The following CCDC180 variants were observed in gnomAD, a reference collection of about 807,000 sequenced individuals.
CCDC180 encodes coiled-coil domain-containing protein 180.
In CCDC180, 154 loss-of-function variants were observed where a neutral mutation model predicts 209.2. The observed-to-expected ratio is 0.74, with a 90% confidence interval of 0.65 to 0.84. The LOEUF is 0.84. Ranked by LOEUF, CCDC180 falls within the 40% of genes least tolerant of loss-of-function variation. CCDC180 has a pLI of 0.00. For synonymous variants in CCDC180, 778 were observed against 749.1 expected (o/e 1.04, Z -0.63); for missense variants, 1,874 against 1,997.3 (o/e 0.94, Z 1.18).
intron 28 of CCDC180, chr9:97,363,828 G>C (rs1826837408): frequency 1.7e-6 from 1 of 581,160 alleles, no homozygotes; most frequent in South Asian, 2.1e-5. Flanking sequence ...AGCTGTGGTT[G>C]GGTTTCAGCA....
intron 21 of CCDC180, among the ~76,000 whole-genome samples, chr9:97,349,871 G>A (rs762406974): frequency 6.6e-6 from 1 of 152,236 alleles, no homozygotes; most frequent in Middle Eastern, 3.4e-3. Flanking sequence ...GAGGACACTC[G>A]CAGGGCACTC....
At position 97,357,711 on chromosome 9, in the gene CCDC180, A is replaced by G. The variant is rs78340907; in HGVS notation, c.3349A>G (p.Arg1117Gly). The change falls in exon 25 of 37, where the codon AGG becomes GGG. Residue 1117 changes from arginine (R) to glycine (G), a missense_variant. Arg to Gly is a moderately radical substitution (Grantham distance 125). Coordinates refer to ENST00000529487, the MANE Select transcript of CCDC180 (RefSeq NM_020893.6). ...QNKIKTCQES[R>G]GEKTTVTTEE... ...CAAGATAAAAACTTGTCAAGAGTCC[A>G]GGGGAGAGAAAACCGTAAGTGTTCA... 1 of 1,609,770 alleles carries G rather than the reference A, an allele frequency of 6.2e-7. No homozygotes were observed. The highest frequency in any genetic ancestry group is 8.5e-7 in the Non-Finnish European group (1 of 1,177,148).
At position 97,369,909 on chromosome 9, in the gene CCDC180, G is replaced by T. The variant is rs1337053614; in HGVS notation, c.4190-13G>T. ...TGTTCCCTCCCTTGGCCTCTTACCC[G>T]CACTTCTGGCAGAATTACGGATCCA... is the stretch of plus-strand genomic sequence containing the variant. On this transcript the variant is annotated splice_polypyrimidine_tract_variant and intron_variant, in intron 31 of 36. Transcript: ENST00000529487. 4 of 1,613,882 alleles carry T rather than the reference G, an allele frequency of 2.5e-6. No individual in the cohort carries two copies. Among genetic ancestry groups the T allele is most frequent in the Non-Finnish European group, 3.4e-6 (4 of 1,179,932 alleles).
intron 22 of CCDC180, among the ~76,000 whole-genome samples, chr9:97,351,423 C>T (rs1021810939): frequency 6.6e-6 from 1 of 152,132 alleles, no homozygotes; most frequent in African/African-American, 2.4e-5. Context: ...TGCTGTTAAC[C>T]TTTCCATGTG....
intron 20 of CCDC180, among the ~76,000 whole-genome samples, chr9:97,348,125 G>T (rs1004894623): frequency 8.7e-5 from 13 of 148,812 alleles, no homozygotes; most frequent in Non-Finnish European, 1.6e-4. Flanking sequence ...GGGGCGGGGG[G>T]GGGGCATGTT....
At position 97,325,831 on chromosome 9, in the gene CCDC180, C is replaced by CA. The variant is rs552735578; in HGVS notation, c.1545+640dup. Among the ~76,000 whole-genome samples the CA allele has an allele frequency of 4.6e-5, 7 of 152,352 alleles. No individual in the cohort carries two copies. In the South Asian group the frequency reaches 1.5e-3, roughly 32 times the overall value. ...CTCTCTCATTCAAAGAAGCCACTGA[C>CA]AGAGTGAAACCTGCCTCAGCCTAAG... is the stretch of plus-strand genomic sequence containing the variant. On this transcript the variant is annotated intron_variant, in intron 14 of 36. Coordinates refer to ENST00000529487, the MANE Select transcript of CCDC180 (RefSeq NM_020893.6).
At chr9:97,363,552 G>T in intron 28 of CCDC180, 1 of 521,614 alleles carries the variant, frequency 1.9e-6, no homozygotes, top group Non-Finnish European at 4.0e-6. Flanking sequence ...TAAAAGAGAG[G>T]GTGCCCATCT....
chr9:97,313,509 T>C (rs1401365127), intron 5 of CCDC180, among the ~76,000 whole-genome samples, 164 bp downstream of exon 5: 1 of 152,150 alleles, frequency 6.6e-6, no homozygotes, highest in Admixed American at 6.5e-5. Flanking sequence ...TGGCTTGTTA[T>C]GAGTGTTTGT....
intron 36 of CCDC180, 168 bp downstream of exon 36, chr9:97,375,757 T>A: frequency 1.3e-6 from 1 of 757,932 alleles, no homozygotes; most frequent in South Asian, 1.8e-5. Context: ...CAGTCACCAT[T>A]CACAGGCACG....
chr9:97,363,246 G>A (rs1826817877), intron 28 of CCDC180, among the ~76,000 whole-genome samples: 1 of 152,176 alleles, frequency 6.6e-6, no homozygotes, highest in African/African-American at 2.4e-5. Flanking sequence ...CAAAAATTAG[G>A]GAAGCTGTCA....
rs1240231119 is a variant in CCDC180, at chr9:97,361,839, C to T, written c.3597C>T (p.Ser1199=). 3 of 1,614,174 alleles carry T rather than the reference C, an allele frequency of 1.9e-6. No homozygotes were observed. The highest frequency in any genetic ancestry group is 1.7e-5 in the Admixed American group (1 of 60,030). The part of the protein sequence containing the change: ...VVTPESFTQL[S]RVGKPLIEDP... Reference sequence around the variant, plus strand: ...CCCCTGAGTCCTTCACCCAGCTGAGCCGCGTGGGGAAGCCCCTGATTGAGG... The same window carrying T: ...CCCCTGAGTCCTTCACCCAGCTGAGTCGCGTGGGGAAGCCCCTGATTGAGG... The change falls in exon 27 of 37, where the codon AGC becomes AGT. Residue 1199 remains serine (S), a synonymous_variant. Transcript: ENST00000529487.
chr9:97,361,881 G>T lies in CCDC180; in HGVS notation c.3639G>T (p.Val1213=). 1 of 1,614,060 alleles carries T rather than the reference G, an allele frequency of 6.2e-7. No homozygotes were observed. Residue 1213 remains valine (V), a synonymous_variant, in exon 27 of 37, where the codon GTG becomes GTT. Transcript: ENST00000529487. ...KPLIEDPAVD[V]IRKLLQLPNT... ...TGATTGAGGACCCAGCTGTGGATGT[G>T]ATCAGGAAGCTCCTGCAGTGAGTGG...
At chr9:97,334,803 A>G (rs1172260876) in intron 18 of CCDC180, among the ~76,000 whole-genome samples, 5 of 152,294 alleles carry the variant, frequency 3.3e-5, no homozygotes, top group African/African-American at 1.2e-4. Context: ...TTAGACTTTC[A>G]TCTTTAACAG....
rs1278368976 is a variant in CCDC180, at chr9:97,370,733, G to A, written c.4443G>A (p.Gln1481=). Residue 1481 remains glutamine, a synonymous_variant, in exon 33 of 37, where the codon CAG becomes CAA. Transcript: ENST00000529487. ...ESLHLSEEER[Q]EELDSMIRMN... The stretch of plus-strand genomic sequence containing the variant: ...TACACTTAAGTGAAGAGGAAAGGCA[G>A]GAAGAGCTGGACAGCATGATTAGGA... The A allele has an allele frequency of 6.2e-7, 1 of 1,614,130 alleles. No homozygotes were observed. The highest frequency in any genetic ancestry group is 2.2e-5 in the East Asian group (1 of 44,870).
At chr9:97,356,941 A>C (rs1179994399) in intron 24 of CCDC180, among the ~76,000 whole-genome samples, 1 of 152,240 alleles carries the variant, frequency 6.6e-6, no homozygotes, top group Non-Finnish European at 1.5e-5. Context: ...GCTGTTTGCT[A>C]TTTATACCAG....
At position 97,350,654 on chromosome 9, in the gene CCDC180, G is replaced by GT. The variant is rs1016011327; in HGVS notation, c.3002+100dup. The GT allele has an allele frequency of 2.3e-6, 3 of 1,278,690 alleles. No homozygotes were observed. In the African/African-American group the frequency reaches 4.5e-5, roughly 19 times the overall value. The allele number at this position is 1,278,690 out of a possible 1,614,324, so 79.2% of individuals were successfully genotyped here. ...AATTTTTAGTTTTGACAAAATAAAC[G>GT]TAACATCAAACTTAACATCTTAACC... On this transcript the variant is annotated intron_variant, in intron 22 of 36. Transcript: ENST00000529487.
intron 35 of CCDC180, among the ~76,000 whole-genome samples, chr9:97,375,051 G>A (rs1361039735): frequency 3.9e-5 from 6 of 152,224 alleles, no homozygotes; most frequent in Admixed American, 3.9e-4. Context: ...CCCCAAGAGT[G>A]TGACTCTGCA....
intron 18 of CCDC180, among the ~76,000 whole-genome samples, chr9:97,338,122 G>T (rs539020965): frequency 6.6e-6 from 1 of 152,082 alleles, no homozygotes; most frequent in Non-Finnish European, 1.5e-5. Flanking sequence ...GCTCCTGGAT[G>T]CATTGATTTT....
chr9:97,350,012 C>T (rs751104444), intron 21 of CCDC180, among the ~76,000 whole-genome samples: 1 of 152,154 alleles, frequency 6.6e-6, no homozygotes, highest in Admixed American at 6.5e-5. Flanking sequence ...CCAGCACACC[C>T]AGAATGTGTC....
Sources: allele counts gnomAD v4.1 joint callset (sites outside exome capture counted in the v4.1 genomes callset), GRCh38; gene constraint gnomAD v4.1.1; transcripts MANE v1.5; gene names NCBI Gene and HGNC (gene_info 2026-07-23, HGNC 2026-07-21).